CACNA2D3: variants seen among roughly 807,000 people sequenced by gnomAD.
CACNA2D3 encodes the protein calcium voltage-gated channel auxiliary subunit alpha2delta 3, also known as voltage-dependent calcium channel subunit alpha-2/delta-3.
CACNA2D3 carries 60 observed loss-of-function variants against 160.6 expected under a neutral mutation model. That is an observed-to-expected ratio of 0.37 (90% CI 0.30 to 0.46). The LOEUF is 0.46. CACNA2D3 is among the 20% of genes least tolerant of loss of function. The pLI is 1.00. For missense variants in CACNA2D3, 1,205 were observed against 1,365.0 expected (o/e 0.88, Z 1.85); for synonymous variants, 558 against 492.9 (o/e 1.13, Z -1.75).
chr3:54,435,396 C>A (rs1385212036), intron 4 of CACNA2D3, among the ~76,000 whole-genome samples: 2 of 152,296 alleles, frequency 1.3e-5, no homozygotes, highest in East Asian at 3.9e-4. Context: ...GCTGAGCTTA[C>A]ACCCCTGCAA....
intron 2 of CACNA2D3, among the ~76,000 whole-genome samples, chr3:54,247,909 TCAAA>T (rs1702112269): frequency 1.3e-5 from 2 of 152,084 alleles, no homozygotes; most frequent in Non-Finnish European, 2.9e-5. Context: ...TAGTGGATGC[TCAAA>T]CTACTGACCA....
intron 13 of CACNA2D3, among the ~76,000 whole-genome samples, chr3:54,795,082 CT>C (rs554650382): frequency 7.9e-5 from 12 of 151,940 alleles, no homozygotes; most frequent in African/African-American, 1.4e-4. Flanking sequence ...TATTTTTCAA[CT>C]TTTTTTTCTC....
chr3:54,260,971 G>A (rs2107439193), intron 2 of CACNA2D3, among the ~76,000 whole-genome samples: 1 of 152,292 alleles, frequency 6.6e-6, no homozygotes, highest in East Asian at 1.9e-4. Flanking sequence ...TTCATTTCCT[G>A]TTTGTTCCCT....
chr3:54,180,017 CA>C (rs113830746), intron 2 of CACNA2D3, among the ~76,000 whole-genome samples: 1 of 144,064 alleles, frequency 6.9e-6, no homozygotes, highest in African/African-American at 2.6e-5. Flanking sequence ...GAGAAGGTTT[CA>C]TTTTTTCTTC....
chr3:54,175,017 C>T (rs1047655920), intron 2 of CACNA2D3, among the ~76,000 whole-genome samples: 11 of 152,216 alleles, frequency 7.2e-5, no homozygotes, highest in South Asian at 6.2e-4. Context: ...AAGTGAGGCA[C>T]GGCCAGCTCC....
chr3:55,025,733 A>C (rs909941620), intron 35 of CACNA2D3, among the ~76,000 whole-genome samples: 1 of 151,570 alleles, frequency 6.6e-6, no homozygotes, highest in Admixed American at 6.6e-5. Flanking sequence ...CGTTGGGTTG[A>C]AGACTCACAG....
intron 9 of CACNA2D3, among the ~76,000 whole-genome samples, chr3:54,624,545 C>T (rs936809509): frequency 2.0e-5 from 3 of 152,158 alleles, no homozygotes; most frequent in African/African-American, 4.8e-5. Context: ...TGGCGTGAAC[C>T]CGGGAGGCGG....
intron 35 of CACNA2D3, among the ~76,000 whole-genome samples, chr3:55,060,952 G>A (rs1158970948): frequency 6.6e-6 from 1 of 152,090 alleles, no homozygotes; most frequent in Non-Finnish European, 1.5e-5. Flanking sequence ...CTTGCCATCT[G>A]CCTTGGGCTG....
At chr3:55,009,518 A>T in intron 34 of CACNA2D3, 75 bp downstream of exon 34, 5 of 1,343,854 alleles carry the variant, frequency 3.7e-6, no homozygotes, top group Non-Finnish European at 4.3e-6. Flanking sequence ...TTCATCAGGG[A>T]TGTGCTGGCT....
intron 24 of CACNA2D3, among the ~76,000 whole-genome samples, chr3:54,891,005 C>G (rs1346852299): frequency 1.3e-5 from 2 of 152,140 alleles, no homozygotes; most frequent in Non-Finnish European, 2.9e-5. Flanking sequence ...CTAGTCCTTC[C>G]CATTCTTAGC....
intron 2 of CACNA2D3, among the ~76,000 whole-genome samples, chr3:54,200,978 A>G (rs895935525): frequency 1.3e-5 from 2 of 152,226 alleles, no homozygotes; most frequent in Non-Finnish European, 2.9e-5. Flanking sequence ...TGGTTTACTT[A>G]GAACTGCATT....
At chr3:54,998,754 T>TTTTGC (rs1372505810) in intron 31 of CACNA2D3, among the ~76,000 whole-genome samples, 20 of 151,878 alleles carry the variant, frequency 1.3e-4, no homozygotes, top group African/African-American at 4.8e-4. Flanking sequence ...TTTTGTTTTG[T>TTTTGC]TTTGTTTTTT....
chr3:55,040,220 T>G (rs1397175950), intron 35 of CACNA2D3, among the ~76,000 whole-genome samples: 1 of 152,092 alleles, frequency 6.6e-6, no homozygotes, highest in Admixed American at 6.5e-5. Context: ...CTAAAGCTAA[T>G]TACCTCCCAA....
At chr3:54,286,531 T>C (rs897810085) in intron 2 of CACNA2D3, among the ~76,000 whole-genome samples, 3 of 152,202 alleles carry the variant, frequency 2.0e-5, no homozygotes, top group Non-Finnish European at 2.9e-5. Context: ...GAGAACTTCC[T>C]CAATCTAGCA....
chr3:54,384,899 T>G (rs1317713743), intron 3 of CACNA2D3, among the ~76,000 whole-genome samples: 2 of 152,078 alleles, frequency 1.3e-5, no homozygotes, highest in Non-Finnish European at 2.9e-5. Flanking sequence ...TTTGTGTTTT[T>G]TGTTGAGATG....
chr3:54,461,973 T>C (rs180915023), intron 4 of CACNA2D3, among the ~76,000 whole-genome samples: 7 of 152,228 alleles, frequency 4.6e-5, no homozygotes, highest in Non-Finnish European at 4.4e-5. Flanking sequence ...TCTGGTATGT[T>C]GTGTCTTTGT....
chr3:54,486,189 C>G (rs979695735), intron 4 of CACNA2D3, among the ~76,000 whole-genome samples: 4 of 152,210 alleles, frequency 2.6e-5, no homozygotes, highest in African/African-American at 9.6e-5. Context: ...GGTGAGAGAA[C>G]TTTGCCCAGG....
intron 6 of CACNA2D3, among the ~76,000 whole-genome samples, chr3:54,566,125 C>G (rs1298125702): frequency 6.6e-6 from 1 of 152,168 alleles, no homozygotes; most frequent in African/African-American, 2.4e-5. Flanking sequence ...GAGCTGGTCC[C>G]CAGCTGCACT....
chr3:54,417,688 A>G (rs1699775709), intron 4 of CACNA2D3, among the ~76,000 whole-genome samples: 1 of 152,016 alleles, frequency 6.6e-6, no homozygotes, highest in Non-Finnish European at 1.5e-5. Context: ...GGTAAATTCC[A>G]AGGAAAGATT....
Sources: allele counts gnomAD v4.1 joint callset (sites outside exome capture counted in the v4.1 genomes callset), GRCh38; gene constraint gnomAD v4.1.1; transcripts MANE v1.5; gene names NCBI Gene and HGNC (gene_info 2026-07-23, HGNC 2026-07-21).